ELMO1: variants seen among roughly 807,000 people sequenced by gnomAD.
ELMO1 encodes the protein engulfment and cell motility protein 1.
A neutral mutation model predicts 98.9 loss-of-function variants in ELMO1; 26 were observed. That is an observed-to-expected ratio of 0.26 (90% confidence interval 0.19 to 0.36). The LOEUF is 0.36. ELMO1 is among the 10% of genes least tolerant of loss of function. ELMO1 has a pLI of 1.00. For missense variants in ELMO1, 627 were observed against 935.2 expected (o/e 0.67, Z 4.30); for synonymous variants, 346 against 346.0 (o/e 1.00, Z 0.00).
intron 16 of ELMO1, among the ~76,000 whole-genome samples, chr7:36,974,837 G>A (rs1790380205): frequency 6.6e-6 from 1 of 152,022 alleles, no homozygotes; most frequent in Non-Finnish European, 1.5e-5. Context: ...CACTCCTGAA[G>A]CCAGCGAGAC....
At chr7:37,211,643 G>A in intron 12 of ELMO1, 126 bp from the exon 13 acceptor site, 4 of 1,269,500 alleles carry the variant, frequency 3.2e-6, no homozygotes, top group Non-Finnish European at 4.2e-6. Context: ...AAGAAAAACA[G>A]ATAAAAGAGA....
In ELMO1 at chr7:37,337,697, T is replaced by C. The variant is rs1254553747; in HGVS notation, c.78+4916A>G. On this transcript the variant is annotated intron_variant, in intron 2 of 21. Transcript: ENST00000310758. ...GGTAGTCTGTGATGCCATGCAAATA[T>C]GTAGGCCGAGAAGTTCTAGGCAAAG... 5.9e-5 allele frequency among the ~76,000 whole-genome samples: 9 copies of C among 152,220 alleles called. No individual in the cohort carries two copies. The East Asian group carries it at 7.7e-4, about 13-fold the overall frequency.
chr7:36,956,820 A>G (rs1177744912), intron 16 of ELMO1, among the ~76,000 whole-genome samples: 4 of 152,242 alleles, frequency 2.6e-5, no homozygotes, highest in Admixed American at 6.5e-5. Context: ...AGTAGCCTAC[A>G]GGTTTGATTA....
chr7:37,297,167 C>T (rs1245844957), intron 4 of ELMO1, among the ~76,000 whole-genome samples: 5 of 152,178 alleles, frequency 3.3e-5, no homozygotes, highest in Non-Finnish European at 5.9e-5. Flanking sequence ...AATAATAAAG[C>T]TTGCCTTCAC....
At chr7:36,977,384 T>C (rs1314273034) in intron 16 of ELMO1, among the ~76,000 whole-genome samples, 3 of 152,166 alleles carry the variant, frequency 2.0e-5, no homozygotes, top group Non-Finnish European at 2.9e-5. Context: ...AAGCAAGTAA[T>C]GGGGAGTCAG....
At chr7:37,243,092 C>T (rs968001949) in intron 7 of ELMO1, among the ~76,000 whole-genome samples, 1 of 152,136 alleles carries the variant, frequency 6.6e-6, no homozygotes, top group Non-Finnish European at 1.5e-5. Flanking sequence ...TGTGCCATTA[C>T]CAGAACCAGG....
At chr7:37,156,500 T>C (rs1788776219) in intron 13 of ELMO1, among the ~76,000 whole-genome samples, 2 of 151,990 alleles carry the variant, frequency 1.3e-5, no homozygotes, top group African/African-American at 4.8e-5. Flanking sequence ...TCACCACCAA[T>C]CTCACAGAAA....
intron 15 of ELMO1, among the ~76,000 whole-genome samples, chr7:37,059,808 CA>C (rs1466918544): frequency 6.6e-6 from 1 of 152,172 alleles, no homozygotes; most frequent in East Asian, 1.9e-4. Flanking sequence ...CATTAGATCC[CA>C]ATGGCTCCAA....
At chr7:37,235,686 A>G (rs1455095089) in intron 7 of ELMO1, among the ~76,000 whole-genome samples, 2 of 152,224 alleles carry the variant, frequency 1.3e-5, no homozygotes, top group Admixed American at 1.3e-4. Flanking sequence ...CAATCCCAGC[A>G]CTCTGGGAGG....
chr7:37,407,791 CA>C (rs1583703257), intron 1 of ELMO1, among the ~76,000 whole-genome samples: 1 of 151,950 alleles, frequency 6.6e-6, no homozygotes, highest in African/African-American at 2.4e-5. Context: ...CTGTAAAAAA[CA>C]AAAAGTAAAC....
At chr7:37,011,667 C>T (rs1793569939) in intron 16 of ELMO1, among the ~76,000 whole-genome samples, 1 of 152,212 alleles carries the variant, frequency 6.6e-6, no homozygotes, top group Non-Finnish European at 1.5e-5. Context: ...AGGTCTCCTT[C>T]TCCTGGAGGA....
At chr7:36,935,809 G>A (rs918145968) in intron 16 of ELMO1, among the ~76,000 whole-genome samples, 1 of 152,182 alleles carries the variant, frequency 6.6e-6, no homozygotes, top group African/African-American at 2.4e-5. Context: ...AAGAGAATAG[G>A]TGGTGGTATG....
At chr7:37,364,625 AG>A (rs1801826237) in intron 1 of ELMO1, among the ~76,000 whole-genome samples, 1 of 151,104 alleles carries the variant, frequency 6.6e-6, no homozygotes, top group Admixed American at 6.6e-5. Flanking sequence ...TAATTAAGAT[AG>A]GGAAAATTCA....
chr7:36,884,677 A>G (rs771759250), intron 18 of ELMO1, among the ~76,000 whole-genome samples: 2 of 152,262 alleles, frequency 1.3e-5, no homozygotes, highest in Non-Finnish European at 2.9e-5. Context: ...GCAGAGCTGC[A>G]CATGAGACAG....
intron 1 of ELMO1, among the ~76,000 whole-genome samples, chr7:37,395,841 G>A (rs963115951): frequency 3.9e-5 from 6 of 152,194 alleles, no homozygotes; most frequent in African/African-American, 1.4e-4. Context: ...GTAAAACTGT[G>A]TAGTGCTACA....
At chr7:37,296,470 T>C (rs1798031042) in intron 4 of ELMO1, among the ~76,000 whole-genome samples, 2 of 152,186 alleles carry the variant, frequency 1.3e-5, no homozygotes, top group South Asian at 4.1e-4. Flanking sequence ...TCCCTTTTGA[T>C]TACTCCCAAA....
chr7:37,266,211 T>C (rs1312099690), intron 5 of ELMO1, among the ~76,000 whole-genome samples: 1 of 152,064 alleles, frequency 6.6e-6, no homozygotes, highest in Non-Finnish European at 1.5e-5. Flanking sequence ...CAACCCTTTA[T>C]TAGTTTCTCA....
intron 13 of ELMO1, among the ~76,000 whole-genome samples, chr7:37,191,321 T>C (rs912170277): frequency 1.3e-5 from 2 of 151,968 alleles, no homozygotes; most frequent in Admixed American, 1.3e-4. Flanking sequence ...TACCTACATT[T>C]CTGAATTCTC....
chr7:37,161,907 T>TAG (rs1350959138), intron 13 of ELMO1, among the ~76,000 whole-genome samples: 1 of 69,736 alleles, frequency 1.4e-5, no homozygotes, highest in Non-Finnish European at 3.2e-5. Context: ...GGTAATCAAA[T>TAG]ATATATATAT....
Sources: allele counts gnomAD v4.1 joint callset (sites outside exome capture counted in the v4.1 genomes callset), GRCh38; gene constraint gnomAD v4.1.1; transcripts MANE v1.5; gene names NCBI Gene and HGNC (gene_info 2026-07-23, HGNC 2026-07-21).